Variants in PALLD observed in about 807,000 individuals in gnomAD.
The protein encoded by PALLD is palladin.
Under a neutral mutation model 123.5 loss-of-function variants are expected in PALLD, and 61 were observed. The ratio of observed to expected loss-of-function variants is 0.49; its 90% CI spans 0.40 to 0.61. PALLD has a LOEUF of 0.61. Among genes scored for constraint, PALLD ranks in the 20% least tolerant of loss-of-function variants. The pLI, the probability that PALLD is intolerant of heterozygous loss-of-function variation, is 0.00. For missense variants in PALLD, 1,273 were observed against 1,377.0 expected (o/e 0.92, Z 1.20); for synonymous variants, 465 against 496.4 (o/e 0.94, Z 0.84).
At chr4:168,700,411 A>C (rs1182619601) in intron 8 of PALLD, 1 of 152,222 alleles carries the variant, frequency 6.6e-6, no homozygotes, top group Non-Finnish European at 1.5e-5. Context: ...CATATACCTT[A>C]TTTATGCATG....
At chr4:168,556,602 A>C (rs1412965885) in intron 2 of PALLD, among the ~76,000 whole-genome samples, 1 of 152,108 alleles carries the variant, frequency 6.6e-6, no homozygotes, top group African/African-American at 2.4e-5. Context: ...AGCTCAAACT[A>C]TCCATCCCCA....
At chr4:168,548,393 A>G (rs1766387848) in intron 2 of PALLD, among the ~76,000 whole-genome samples, 2 of 151,634 alleles carry the variant, frequency 1.3e-5, no homozygotes, top group South Asian at 4.1e-4. Flanking sequence ...AGATCATATT[A>G]CTCCTAAATT....
chr4:168,746,380 CAAAAAAAAAA>C lies in PALLD; in HGVS notation c.1964+34478_1964+34487del, dbSNP rs747755592. Reference sequence around the variant, plus strand: ...TGGGCGACAGAGCGAGAACCCGTCTCAAAAAAAAAAAAAAAAAAAAAAAAAAAAAAGAGGA... The same window carrying C: ...TGGGCGACAGAGCGAGAACCCGTCTCAAAAAAAAAAAAAAAAAAAAGAGGA... On this transcript the variant is annotated intron_variant, in intron 10 of 21. Coordinates refer to ENST00000505667, the MANE Select transcript of PALLD (RefSeq NM_001166108.2). 8.1e-3 allele frequency among the ~76,000 whole-genome samples: 300 copies of C among 37,008 alleles called. 2 individuals carry two copies. Among genetic ancestry groups the C allele is most frequent in the Non-Finnish European group, 0.012 (214 of 18,548 alleles). The allele number at this position is 37,008 out of a possible 152,430, so 24.3% of individuals were successfully genotyped here.
At chr4:168,785,850 T>TATATATATATATATATATATATAG in intron 10 of PALLD, among the ~76,000 whole-genome samples, 1 of 114,598 alleles carries the variant, frequency 8.7e-6, no homozygotes, top group Admixed American at 8.2e-5. Context: ...TGTAGAGATA[T>TATATATATATATATATATATATAG]ATATATATAT....
chr4:168,841,008 GC>G (rs1561587230), intron 10 of PALLD, among the ~76,000 whole-genome samples: 2 of 151,994 alleles, frequency 1.3e-5, no homozygotes, highest in Non-Finnish European at 1.5e-5. Context: ...GTGCCACCAC[GC>G]CTGGCTACTT....
intron 10 of PALLD, among the ~76,000 whole-genome samples, chr4:168,868,247 C>T (rs541924499): frequency 2.0e-5 from 3 of 152,124 alleles, no homozygotes; most frequent in Non-Finnish European, 2.9e-5. Flanking sequence ...GGATCACATG[C>T]TCACCCTGCA....
At position 168,709,103 on chromosome 4, in the gene PALLD, A is replaced by G; in HGVS notation, c.1577A>G (p.Asp526Gly). 1 of 1,613,874 alleles carries G rather than the reference A, an allele frequency of 6.2e-7. No homozygotes were observed. The highest frequency in any genetic ancestry group is 8.5e-7 in the Non-Finnish European group (1 of 1,179,848). ...AGIFTCSARN[D>G]YGSATSTAQL... Reference sequence around the variant, plus strand: ...ATCTTTACATGTTCAGCAAGAAATGATTATGGATCAGCAACCAGCACTGCC... The same window carrying G: ...ATCTTTACATGTTCAGCAAGAAATGGTTATGGATCAGCAACCAGCACTGCC... The change falls in exon 9 of 22, where the codon GAT (aspartate) becomes GGT (glycine). Residue 526 changes from aspartate to glycine, a missense_variant. Physicochemically the swap from Asp to Gly is moderately conservative, Grantham distance 94. Coordinates refer to ENST00000505667, the MANE Select transcript of PALLD (RefSeq NM_001166108.2).
intron 8 of PALLD, among the ~76,000 whole-genome samples, chr4:168,703,893 T>C (rs1783955374): frequency 6.6e-6 from 1 of 151,226 alleles, no homozygotes. Context: ...TCTTTTGCCG[T>C]GCAGAAGCTC....
chr4:168,680,481 CAAAAAAAAAAA>C (rs571607157), intron 3 of PALLD, among the ~76,000 whole-genome samples: 9 of 59,154 alleles, frequency 1.5e-4, no homozygotes, highest in South Asian at 9.9e-4. Context: ...GATTCCGTCT[CAAAAAAAAAAA>C]AAAAAAAAAA....
At chr4:168,529,648 G>A (rs567167346) in intron 2 of PALLD, among the ~76,000 whole-genome samples, 6 of 152,188 alleles carry the variant, frequency 3.9e-5, no homozygotes, top group African/African-American at 1.2e-4. Flanking sequence ...TTTTATTACC[G>A]AAAACAAAGA....
chr4:168,675,240 T>C (rs577506323), intron 3 of PALLD, among the ~76,000 whole-genome samples: 1 of 152,050 alleles, frequency 6.6e-6, no homozygotes, highest in South Asian at 2.1e-4. Context: ...ATAAAGAGGA[T>C]TGGGGTCAGG....
chr4:168,724,698 A>G (rs1014179709), intron 10 of PALLD, among the ~76,000 whole-genome samples: 4 of 152,342 alleles, frequency 2.6e-5, no homozygotes, highest in Admixed American at 6.5e-5. Flanking sequence ...TCTTTGCTTC[A>G]TTATTCAAAG....
chr4:168,585,288 A>C (rs1770698524), intron 2 of PALLD, among the ~76,000 whole-genome samples: 1 of 132,080 alleles, frequency 7.6e-6, no homozygotes, highest in Non-Finnish European at 1.6e-5. Context: ...GACCATGAGA[A>C]TATATGAGTG....
rs527841364 is a variant in PALLD, at chr4:168,542,803, C to T, written c.908+30391C>T. ...AGAGAGAGCTTAGGCAGATACCAAC[C>T]TTGGGTGGGAATCTTTCACATCCTT... is the stretch of plus-strand genomic sequence containing the variant. On this transcript the variant is annotated intron_variant, in intron 2 of 21. Transcript: ENST00000505667. 4.4e-5 allele frequency among the ~76,000 whole-genome samples: 6 copies of T among 137,894 alleles called. No individual in the cohort carries two copies. In the South Asian group the frequency reaches 9.3e-4, roughly 21 times the overall value. The allele number at this position is 137,894 out of a possible 152,430, so 90.5% of individuals were successfully genotyped here. A position where few individuals can be genotyped will look rare whatever the true frequency, so the allele number is the denominator to read the frequency against.
intron 10 of PALLD, among the ~76,000 whole-genome samples, chr4:168,833,142 T>TG (rs1462995382): frequency 6.6e-5 from 10 of 152,066 alleles, no homozygotes; most frequent in African/African-American, 2.4e-4. Context: ...CTGTCCCGAA[T>TG]GGTGAGTGGT....
intron 10 of PALLD, among the ~76,000 whole-genome samples, chr4:168,815,598 A>C (rs1156682936): frequency 8.5e-6 from 1 of 117,452 alleles, no homozygotes; most frequent in African/African-American, 2.6e-5. Flanking sequence ...ACTGAATGGT[A>C]ACAAGGCAGG....
chr4:168,521,727 A>C (rs1327022299), intron 2 of PALLD, among the ~76,000 whole-genome samples: 1 of 152,222 alleles, frequency 6.6e-6, no homozygotes, highest in Admixed American at 6.5e-5. Flanking sequence ...TAAAATAAAC[A>C]AATGATTTAT....
At chr4:168,771,733 A>G (rs1734481538) in intron 10 of PALLD, among the ~76,000 whole-genome samples, 1 of 152,094 alleles carries the variant, frequency 6.6e-6, no homozygotes, top group African/African-American at 2.4e-5. Flanking sequence ...TGATTCCCTC[A>G]AGGCGACTCT....
At chr4:168,655,363 T>C (rs1778453014) in intron 2 of PALLD, among the ~76,000 whole-genome samples, 1 of 152,210 alleles carries the variant, frequency 6.6e-6, no homozygotes, top group African/African-American at 2.4e-5. Context: ...CAGTTTTAAG[T>C]TCGTGTGCAC....
Sources: allele counts gnomAD v4.1 joint callset (sites outside exome capture counted in the v4.1 genomes callset), GRCh38; gene constraint gnomAD v4.1.1; transcripts MANE v1.5; gene names NCBI Gene and HGNC (gene_info 2026-07-23, HGNC 2026-07-21).